The following RFFL variants were observed in gnomAD, a reference collection of about 807,000 sequenced individuals.
RFFL encodes E3 ubiquitin-protein ligase rififylin.
In RFFL, 16 loss-of-function variants were observed where a neutral mutation model predicts 40.4. That is an observed-to-expected ratio of 0.40 (90% CI 0.27 to 0.60). RFFL has a LOEUF of 0.60. RFFL is among the 20% of genes least tolerant of loss of function. The pLI, the probability that RFFL is intolerant of heterozygous loss-of-function variation, is 0.47. For synonymous variants in RFFL, 154 were observed against 167.9 expected, an observed-to-expected ratio of 0.92 and a Z score of 0.64; for missense variants, 367 against 451.7, an observed-to-expected ratio of 0.81 and a Z score of 1.70.
chr17:35,028,402 G>T (rs1036869333), intron 1 of RFFL, among the ~76,000 whole-genome samples: 2 of 152,104 alleles, frequency 1.3e-5, no homozygotes, highest in South Asian at 2.1e-4. Flanking sequence ...CAGGTACTGG[G>T]GACAAAGGGC....
At chr17:35,084,788 C>T (rs868049452) in intron 1 of RFFL, among the ~76,000 whole-genome samples, 12 of 150,738 alleles carry the variant, frequency 8.0e-5, no homozygotes, top group Middle Eastern at 3.5e-3. Flanking sequence ...CCCAGCCGCT[C>T]GGGAGGCTGA....
At chr17:35,035,998 G>A (rs891995991) in intron 1 of RFFL, among the ~76,000 whole-genome samples, 4 of 151,848 alleles carry the variant, frequency 2.6e-5, no homozygotes, top group African/African-American at 7.3e-5. Flanking sequence ...CACCATGCCC[G>A]GCCACTCTGA....
upstream of RFFL, among the ~76,000 whole-genome samples, chr17:35,068,133 A>G (rs1427617328): frequency 6.6e-6 from 1 of 152,208 alleles, no homozygotes; most frequent in Non-Finnish European, 1.5e-5. Flanking sequence ...TTGACTCAAC[A>G]GAATAGTCAA....
intron 1 of RFFL, among the ~76,000 whole-genome samples, chr17:35,045,841 T>C (rs532939786): frequency 1.3e-5 from 2 of 152,046 alleles, no homozygotes; most frequent in East Asian, 2.0e-4. Flanking sequence ...CTGGCCAACA[T>C]GGCAAAACCC....
At chr17:35,012,194 G>A (rs1332009615) in intron 6 of RFFL, 45 bp from the exon 7 acceptor site, 1 of 1,573,860 alleles carries the variant, frequency 6.4e-7, no homozygotes, top group South Asian at 1.1e-5. Context: ...GAGGAGTGAG[G>A]AGAATGTCTT....
In RFFL at chr17:35,044,902, C is replaced by T. The variant is rs545915885; in HGVS notation, c.-8-18341G>A. Among the ~76,000 whole-genome samples, 7 of 148,960 alleles carry T rather than the reference C, an allele frequency of 4.7e-5. No homozygotes were observed. The East Asian group carries it at 1.4e-3, about 29-fold the overall frequency. On this transcript the variant is annotated intron_variant, in intron 1 of 6. Coordinates refer to ENST00000394597, the MANE Select transcript of RFFL (RefSeq NM_001017368.2). ...TTTTTTTTTTTTTGAGACAGGGTCT[C>T]ACTCTGTCACCCAGGCTGGAGTACA... is the stretch of plus-strand genomic sequence containing the variant.
chr17:35,052,333 G>C (rs1242460094), intron 1 of RFFL, among the ~76,000 whole-genome samples: 2 of 152,030 alleles, frequency 1.3e-5, no homozygotes, highest in Non-Finnish European at 2.9e-5. Flanking sequence ...CTTTATACAT[G>C]GTCTTTTATT....
At chr17:35,041,615 G>A (rs944370364) in intron 1 of RFFL, among the ~76,000 whole-genome samples, 9 of 151,570 alleles carry the variant, frequency 5.9e-5, no homozygotes, top group Admixed American at 3.3e-4. Context: ...TCTTCACACC[G>A]AGCTGGTGTG....
chr17:35,060,062 G>A (rs1385663063), intron 1 of RFFL, among the ~76,000 whole-genome samples: 1 of 152,192 alleles, frequency 6.6e-6, no homozygotes, highest in Non-Finnish European at 1.5e-5. Context: ...TACTATAACT[G>A]TAAAAGGTTT....
Position 35,017,532 on chromosome 17 carries a change from A to G in RFFL, c.666T>C (p.Asp222=). ...CAAGCAGAGGCCCCACCTGGGTCTC[A>G]TCCTCAGCAGGTACTCTGGCCACGC... is the stretch of plus-strand genomic sequence containing the variant. ...LESVARVPAE[D]ETQSIDSEDS... The change falls in exon 4 of 7, where the codon GAT becomes GAC. Residue 222 remains aspartate (D), a synonymous_variant. Coordinates refer to ENST00000394597, the MANE Select transcript of RFFL (RefSeq NM_001017368.2). 1 of 1,609,314 alleles carries G rather than the reference A, an allele frequency of 6.2e-7. No homozygotes were observed. Among genetic ancestry groups the G allele is most frequent in the Non-Finnish European group, 8.5e-7 (1 of 1,177,364 alleles).
chr17:35,016,086 T>G (rs1014970352), intron 5 of RFFL, among the ~76,000 whole-genome samples: 4 of 152,200 alleles, frequency 2.6e-5, no homozygotes, highest in African/African-American at 9.6e-5. Flanking sequence ...GCTATGGACT[T>G]AGACCATAAA....
At chr17:35,056,322 T>C (rs2091260900) in intron 1 of RFFL, among the ~76,000 whole-genome samples, 1 of 151,982 alleles carries the variant, frequency 6.6e-6, no homozygotes, top group African/African-American at 2.4e-5. Flanking sequence ...CCTAGGGTTC[T>C]GTACTCCATA....
chr17:35,055,909 C>T (rs1414071031), intron 1 of RFFL, among the ~76,000 whole-genome samples: 2 of 151,906 alleles, frequency 1.3e-5, no homozygotes, highest in African/African-American at 4.8e-5. Context: ...GTTTGAAGAC[C>T]CTCAGAGAGA....
At chr17:35,053,856 C>G (rs185104687) in intron 1 of RFFL, among the ~76,000 whole-genome samples, 1 of 152,302 alleles carries the variant, frequency 6.6e-6, no homozygotes, top group East Asian at 1.9e-4. Flanking sequence ...TAACAAATTC[C>G]AGAATCCCGT....
At chr17:35,033,600 T>A (rs990936950) in intron 1 of RFFL, among the ~76,000 whole-genome samples, 1 of 151,820 alleles carries the variant, frequency 6.6e-6, no homozygotes, top group Non-Finnish European at 1.5e-5. Context: ...GTAGGTCTAT[T>A]CCCGGGCAGG....
chr17:35,041,086 G>A (rs569766618), intron 1 of RFFL, among the ~76,000 whole-genome samples: 2 of 151,944 alleles, frequency 1.3e-5, no homozygotes, highest in Middle Eastern at 6.8e-3. Context: ...TTTGGTATTA[G>A]CTGATATTAT....
At chr17:35,044,483 G>A (rs2091185609) in intron 1 of RFFL, among the ~76,000 whole-genome samples, 1 of 152,212 alleles carries the variant, frequency 6.6e-6, no homozygotes, top group African/African-American at 2.4e-5. Context: ...CAGGCATGGT[G>A]ACAGGTGCCT....
At chr17:35,071,345 C>A (rs752650352) in intron 1 of RFFL, among the ~76,000 whole-genome samples, 1 of 152,070 alleles carries the variant, frequency 6.6e-6, no homozygotes, top group African/African-American at 2.4e-5. Flanking sequence ...TGGCCCGGTG[C>A]GGTGGCTCAC....
At chr17:35,062,239 C>T (rs2091296278) in intron 1 of RFFL, among the ~76,000 whole-genome samples, 1 of 151,752 alleles carries the variant, frequency 6.6e-6, no homozygotes, top group South Asian at 2.1e-4. Flanking sequence ...ACTGTCTCTA[C>T]TAAAAATACA....
Sources: allele counts gnomAD v4.1 joint callset (sites outside exome capture counted in the v4.1 genomes callset), GRCh38; gene constraint gnomAD v4.1.1; transcripts MANE v1.5; gene names NCBI Gene and HGNC (gene_info 2026-07-23, HGNC 2026-07-21).